SGCZ: variants seen among roughly 807,000 people sequenced by gnomAD.
SGCZ encodes sarcoglycan zeta.
Under a neutral mutation model 41.3 loss-of-function variants are expected in SGCZ, and 40 were observed. The observed-to-expected ratio is 0.97, with a 90% CI of 0.75 to 1.26. The LOEUF (loss-of-function observed/expected upper bound fraction) is 1.26. Among genes scored for constraint, SGCZ ranks in the 50% most tolerant of loss-of-function variants. The pLI, the probability that SGCZ is intolerant of heterozygous loss-of-function variation, is 0.00. For missense variants in SGCZ, 552 were observed against 369.8 expected (o/e 1.49, Z -4.04); for synonymous variants, 206 against 137.5 (o/e 1.50, Z -3.49).
At chr8:14,916,074 G>C (rs1799427725) in intron 1 of SGCZ, among the ~76,000 whole-genome samples, 2 of 152,302 alleles carry the variant, frequency 1.3e-5, no homozygotes, top group Admixed American at 6.5e-5. Context: ...ATGTAGGTTT[G>C]CAGAGTAAGA....
intron 1 of SGCZ, among the ~76,000 whole-genome samples, chr8:14,907,797 G>A (rs919482041): frequency 6.6e-6 from 1 of 152,156 alleles, no homozygotes; most frequent in Non-Finnish European, 1.5e-5. Context: ...TAACTTTTCT[G>A]CAAAGAAGCG....
intron 1 of SGCZ, among the ~76,000 whole-genome samples, chr8:14,671,393 T>C (rs985466489): frequency 2.0e-5 from 3 of 152,192 alleles, no homozygotes; most frequent in Non-Finnish European, 2.9e-5. Context: ...AATCACTTGA[T>C]TTTAATTTTT....
At chr8:14,369,504 AC>A (rs1803836522) in intron 2 of SGCZ, among the ~76,000 whole-genome samples, 1 of 151,958 alleles carries the variant, frequency 6.6e-6, no homozygotes, top group Non-Finnish European at 1.5e-5. Flanking sequence ...AATGAGGTTA[AC>A]TTTTTCATTC....
At position 14,711,235 on chromosome 8, in the gene SGCZ, T is replaced by A. The variant is rs141764600; in HGVS notation, c.40-156309A>T. ...TAACACAATTTGTGAAAGTTATTTTTTCTTAAATTCAGTTCTCCATCTCAA... is the reference window on the plus strand; with the variant it reads ...TAACACAATTTGTGAAAGTTATTTTATCTTAAATTCAGTTCTCCATCTCAA... On this transcript the variant is annotated intron_variant, in intron 1 of 7. Coordinates refer to ENST00000382080, the MANE Select transcript of SGCZ (RefSeq NM_139167.4). Among the ~76,000 whole-genome samples the A allele has an allele frequency of 1.1e-4, 17 of 152,200 alleles. 1 individual carries two copies. The highest frequency in any genetic ancestry group is 4.1e-4 in the African/African-American group (17 of 41,526).
intron 1 of SGCZ, among the ~76,000 whole-genome samples, chr8:14,633,671 A>G (rs1806732347): frequency 6.6e-6 from 1 of 151,880 alleles, no homozygotes; most frequent in East Asian, 1.9e-4. Context: ...ACTTATTTGT[A>G]TACCTCTAAT....
intron 2 of SGCZ, among the ~76,000 whole-genome samples, chr8:14,440,279 C>T (rs1040597909): frequency 3.9e-5 from 6 of 151,966 alleles, no homozygotes; most frequent in Non-Finnish European, 8.8e-5. Flanking sequence ...TTAAGTGCTT[C>T]AACAAAATAT....
chr8:14,193,302 A>G (rs1434901281), intron 4 of SGCZ, among the ~76,000 whole-genome samples: 1 of 148,808 alleles, frequency 6.7e-6, no homozygotes. Flanking sequence ...ACAAATCATC[A>G]TCTCCCTCTT....
chr8:14,737,667 A>G (rs891351149), intron 1 of SGCZ, among the ~76,000 whole-genome samples: 3 of 150,740 alleles, frequency 2.0e-5, no homozygotes, highest in African/African-American at 5.0e-5. Flanking sequence ...GCAGACGGCC[A>G]TCCTCTGTCT....
At chr8:15,160,694 A>G (rs1799485613) in intron 1 of SGCZ, among the ~76,000 whole-genome samples, 1 of 152,218 alleles carries the variant, frequency 6.6e-6, no homozygotes, top group Admixed American at 6.5e-5. Context: ...CAGTAGGCAT[A>G]TGAGACTTAA....
intron 2 of SGCZ, among the ~76,000 whole-genome samples, chr8:14,326,457 T>C (rs1563259089): frequency 6.6e-6 from 1 of 152,128 alleles, no homozygotes. Flanking sequence ...TTAAATTTTT[T>C]AAAAAGCCAG....
intron 1 of SGCZ, among the ~76,000 whole-genome samples, chr8:14,735,566 G>A (rs1799004550): frequency 6.6e-6 from 1 of 152,114 alleles, no homozygotes; most frequent in Non-Finnish European, 1.5e-5. Context: ...TGCACTATTG[G>A]CTTCCCTACT....
chr8:14,881,020 G>A (rs1045446982), intron 1 of SGCZ, among the ~76,000 whole-genome samples: 5 of 151,904 alleles, frequency 3.3e-5, no homozygotes, highest in African/African-American at 1.2e-4. Flanking sequence ...CAGAGAAAGA[G>A]TCTTAGTTCA....
chr8:14,437,430 A>T (rs1222967511), intron 2 of SGCZ, among the ~76,000 whole-genome samples: 1 of 152,160 alleles, frequency 6.6e-6, no homozygotes, highest in Non-Finnish European at 1.5e-5. Flanking sequence ...ATTGCAATAG[A>T]AACAAATGTG....
At chr8:14,691,929 T>C (rs937069047) in intron 1 of SGCZ, among the ~76,000 whole-genome samples, 1 of 152,016 alleles carries the variant, frequency 6.6e-6, no homozygotes, top group Non-Finnish European at 1.5e-5. Flanking sequence ...TCTTGTTTTT[T>C]CAAAATGAAT....
chr8:14,495,211 A>G (rs1396210038), intron 2 of SGCZ, among the ~76,000 whole-genome samples: 3 of 152,298 alleles, frequency 2.0e-5, no homozygotes, highest in Non-Finnish European at 4.4e-5. Flanking sequence ...TTCTTTGGGT[A>G]ATGCCTATCA....
At chr8:15,208,202 C>G (rs1408494195) in intron 1 of SGCZ, among the ~76,000 whole-genome samples, 1 of 152,134 alleles carries the variant, frequency 6.6e-6, no homozygotes, top group Admixed American at 6.5e-5. Context: ...GACAGTAATC[C>G]TCAGGGTTTG....
intron 2 of SGCZ, among the ~76,000 whole-genome samples, chr8:14,518,516 G>C (rs4517122): frequency 0.035 from 5,322 of 152,000 alleles, 247 homozygotes; most frequent in Admixed American, 0.094. Context: ...GCAGAATTTG[G>C]GAAAATCAGT....
chr8:14,889,736 A>G (rs890655524), intron 1 of SGCZ, among the ~76,000 whole-genome samples: 1 of 152,098 alleles, frequency 6.6e-6, no homozygotes, highest in Admixed American at 6.6e-5. Flanking sequence ...CACAAAATAT[A>G]GATATTTTGT....
chr8:15,215,120 A>G (rs1325049756), intron 1 of SGCZ, among the ~76,000 whole-genome samples: 1 of 152,212 alleles, frequency 6.6e-6, no homozygotes, highest in South Asian at 2.1e-4. Flanking sequence ...AATATGTAAA[A>G]CAGTACAAGA....
Sources: allele counts gnomAD v4.1 joint callset (sites outside exome capture counted in the v4.1 genomes callset), GRCh38; gene constraint gnomAD v4.1.1; transcripts MANE v1.5; gene names NCBI Gene and HGNC (gene_info 2026-07-23, HGNC 2026-07-21).